EDDM13: variants seen among roughly 807,000 people sequenced by gnomAD.
The protein encoded by EDDM13 is epididymal protein 13.
A neutral mutation model predicts 17.8 loss-of-function variants in EDDM13; 24 were observed. The observed-to-expected ratio is 1.35, with a 90% CI of 0.98 to 1.90. EDDM13 has a LOEUF of 1.90. Among genes scored for constraint, EDDM13 ranks in the 40% most tolerant of loss-of-function variants. The pLI is 0.00. For synonymous variants in EDDM13, 31 were observed against 37.5 expected (o/e 0.83, Z 0.63); for missense variants, 97 against 100.8 (o/e 0.96, Z 0.16).
intron 14 of EDDM13, among the ~76,000 whole-genome samples, chr19:56,308,555 C>T (rs1471038329): frequency 6.6e-6 from 1 of 151,272 alleles, no homozygotes; most frequent in African/African-American, 2.4e-5. Flanking sequence ...AACTCCTGAC[C>T]TCAGGTGACC....
intron 1 of EDDM13, among the ~76,000 whole-genome samples, chr19:56,275,220 C>G (rs898941373): frequency 7.2e-5 from 11 of 152,122 alleles, no homozygotes; most frequent in Admixed American, 3.3e-4. Flanking sequence ...ATGCGAATAC[C>G]CTGTTCTCCT....
chr19:56,286,209 A>G (rs887107280), intron 6 of EDDM13, among the ~76,000 whole-genome samples: 1 of 151,864 alleles, frequency 6.6e-6, no homozygotes, highest in Non-Finnish European at 1.5e-5. Flanking sequence ...ATTAGTAGAG[A>G]TGGGGTTTCA....
chr19:56,280,920 C>T lies in EDDM13; in HGVS notation c.104-773C>T, dbSNP rs556165458. Among the ~76,000 whole-genome samples, 15 of 152,226 alleles carry T rather than the reference C, an allele frequency of 9.9e-5. 1 individual carries two copies. In the South Asian group the frequency reaches 2.7e-3, roughly 27 times the overall value. On this transcript the variant is annotated intron_variant, in intron 2 of 14. Coordinates refer to ENST00000649256, the MANE Select transcript of EDDM13 (RefSeq NM_001354658.2). ...CAAACCATAACACATACACATTTGA[C>T]CCTTGAACAATGTGAGAGTTAGGGG... is the stretch of plus-strand genomic sequence containing the variant.
At chr19:56,275,351 CT>C (rs1443062657) in intron 1 of EDDM13, among the ~76,000 whole-genome samples, 1 of 152,130 alleles carries the variant, frequency 6.6e-6, no homozygotes, top group Non-Finnish European at 1.5e-5. Flanking sequence ...ATTCAATGGC[CT>C]TTCTCTGTAA....
At chr19:56,304,386 C>T (rs2040546957) in intron 13 of EDDM13, among the ~76,000 whole-genome samples, 1 of 152,202 alleles carries the variant, frequency 6.6e-6, no homozygotes, top group African/African-American at 2.4e-5. Flanking sequence ...GTCTGGACCA[C>T]AGGATTGGTT....
chr19:56,295,078 G>A (rs941636155), intron 9 of EDDM13: 6 of 152,192 alleles, frequency 3.9e-5, no homozygotes, highest in East Asian at 1.9e-4. Context: ...TGATGAAAAC[G>A]TTCTAAAATT....
chr19:56,304,011 A>G (rs1600241765), intron 13 of EDDM13, among the ~76,000 whole-genome samples: 1 of 152,138 alleles, frequency 6.6e-6, no homozygotes, highest in African/African-American at 2.4e-5. Flanking sequence ...GTTCTCATAG[A>G]CCACGAGAAG....
chr19:56,301,971 A>C lies in EDDM13; in HGVS notation c.299A>C (p.Lys100Thr). ...TCATCTCCACGGTTCTCTCCAGTTA[A>C]ACCCTTCTCAGGCACCACCCCATCC... Reference protein sequence around the residue: ...EETSGCKEEVKPFSGTTPSRK... With the variant: ...EETSGCKEEVTPFSGTTPSRK... The change falls in exon 13 of 15, where the codon AAA becomes ACA. Residue 100 changes from lysine (K) to threonine (T), a missense_variant. Transcript: ENST00000649256. 7.3e-6 allele frequency: 9 copies of C among 1,232,208 alleles called. No individual in the cohort carries two copies. Among genetic ancestry groups the C allele is most frequent in the Non-Finnish European group, 9.1e-6 (9 of 988,304 alleles). 76.3% of individuals were successfully genotyped at this position (1,232,208 alleles called of 1,614,324 possible).
At chr19:56,278,242 A>C (rs58815584) in intron 2 of EDDM13, among the ~76,000 whole-genome samples, 63,797 of 151,840 alleles carry the variant, frequency 0.42, 14,540 homozygotes, top group Non-Finnish European at 0.51. Context: ...TTGCCTCAGC[A>C]TCCGAAGTAG....
intron 13 of EDDM13, among the ~76,000 whole-genome samples, chr19:56,304,162 C>G (rs34008538): frequency 0.095 from 14,437 of 152,246 alleles, 740 homozygotes; most frequent in Middle Eastern, 0.14. Context: ...GGAGGAGACA[C>G]ACTGAGAGGA....
At chr19:56,275,424 T>C (rs1180725777) in intron 1 of EDDM13, among the ~76,000 whole-genome samples, 3 of 152,202 alleles carry the variant, frequency 2.0e-5, no homozygotes, top group African/African-American at 7.2e-5. Flanking sequence ...TATATCAGCG[T>C]GAACTCAGGG....
intron 14 of EDDM13, among the ~76,000 whole-genome samples, chr19:56,309,778 C>T (rs545677602): frequency 8.5e-5 from 13 of 152,198 alleles, no homozygotes; most frequent in Non-Finnish European, 1.2e-4. Flanking sequence ...TCAGGCCCGG[C>T]GCCGGGACAG....
intron 9 of EDDM13, among the ~76,000 whole-genome samples, chr19:56,292,269 A>G (rs1035890144): frequency 2.6e-5 from 4 of 152,162 alleles, no homozygotes; most frequent in Admixed American, 2.6e-4. Context: ...ACAAAACATG[A>G]AATTTACCAT....
At chr19:56,301,081 G>T (rs535225193) in intron 12 of EDDM13, among the ~76,000 whole-genome samples, 9 of 152,044 alleles carry the variant, frequency 5.9e-5, no homozygotes, top group African/African-American at 2.2e-4. Context: ...AAGGGGTCCC[G>T]ATCAAGACCC....
chr19:56,305,865 C>T (rs906535129), intron 14 of EDDM13, among the ~76,000 whole-genome samples: 3 of 151,608 alleles, frequency 2.0e-5, no homozygotes, highest in African/African-American at 7.3e-5. Context: ...GTCAGATACA[C>T]AGAAAACAAG....
chr19:56,302,456 G>A (rs544775722), intron 13 of EDDM13, among the ~76,000 whole-genome samples: 28 of 112,636 alleles, frequency 2.5e-4, no homozygotes, highest in East Asian at 8.8e-4. Context: ...TCCTCTCTCC[G>A]TCTGCTTCCT....
intron 5 of EDDM13, 54 bp downstream of exon 5, chr19:56,284,260 T>G (rs1459154277): frequency 2.4e-6 from 2 of 846,354 alleles, no homozygotes; most frequent in Non-Finnish European, 2.8e-6. Context: ...TGGCGGGAAA[T>G]TTTGGGCTTT....
At chr19:56,309,607 C>T (rs931101967) in intron 14 of EDDM13, among the ~76,000 whole-genome samples, 14 of 152,194 alleles carry the variant, frequency 9.2e-5, no homozygotes, top group Admixed American at 9.2e-4. Context: ...CCTGATCCAT[C>T]CCTGGAACTC....
At chr19:56,291,914 C>T (rs1178752537) in intron 9 of EDDM13, among the ~76,000 whole-genome samples, 2 of 152,126 alleles carry the variant, frequency 1.3e-5, no homozygotes, top group African/African-American at 2.4e-5. Flanking sequence ...AGGTGCCAGG[C>T]GCGAGGCACC....
Sources: gnomAD v4.1 joint callset for allele counts (sites outside exome capture counted in the v4.1 genomes callset) on GRCh38, gnomAD v4.1.1 for gene constraint, MANE v1.5 for transcripts, NCBI Gene and HGNC (gene_info 2026-07-23, HGNC 2026-07-21) for gene names.